The following PEBP4 variants were observed in gnomAD, a reference collection of about 807,000 sequenced individuals.
PEBP4 encodes phosphatidylethanolamine binding protein 4, also known as phosphatidylethanolamine-binding protein 4.
Under a neutral mutation model 23.9 loss-of-function variants are expected in PEBP4, and 22 were observed. The ratio of observed to expected loss-of-function variants is 0.92; its 90% confidence interval spans 0.66 to 1.31. The LOEUF (loss-of-function observed/expected upper bound fraction) is 1.31, where lower values mean the gene tolerates loss of function less well. PEBP4 is among the 40% of genes most tolerant of loss of function. The probability of loss-of-function intolerance (pLI) is 0.00; values close to 1 mark genes in which losing one functional copy is unlikely to be tolerated. For synonymous variants in PEBP4, 112 were observed against 99.3 expected, an observed-to-expected ratio of 1.13 and a Z score of -0.76; for missense variants, 324 against 281.7, an observed-to-expected ratio of 1.15 and a Z score of -1.07.
At chr8:22,741,514 C>T (rs1295459477) in intron 4 of PEBP4, among the ~76,000 whole-genome samples, 1 of 152,220 alleles carries the variant, frequency 6.6e-6, no homozygotes, top group African/African-American at 2.4e-5. Context: ...TGAACTCCAC[C>T]TGGAGCTCAC....
intron 4 of PEBP4, among the ~76,000 whole-genome samples, chr8:22,815,754 C>G (rs1353663093): frequency 6.6e-6 from 1 of 152,218 alleles, no homozygotes; most frequent in Admixed American, 6.5e-5. Flanking sequence ...GCCACCTGTT[C>G]TACTTCTAAG....
At chr8:22,804,061 C>T (rs1446528663) in intron 4 of PEBP4, among the ~76,000 whole-genome samples, 3 of 152,182 alleles carry the variant, frequency 2.0e-5, no homozygotes, top group Non-Finnish European at 4.4e-5. Flanking sequence ...GGTGCGGTGG[C>T]TCACATCTGC....
chr8:22,727,850 CCCT>C (rs568501484), intron 4 of PEBP4, among the ~76,000 whole-genome samples: 1 of 152,224 alleles, frequency 6.6e-6, no homozygotes, highest in Admixed American at 6.5e-5. Context: ...GCCTCAGTTT[CCCT>C]CCTCTCTTTC....
At chr8:22,719,969 G>T (rs1394756854) in intron 6 of PEBP4, among the ~76,000 whole-genome samples, 1 of 152,240 alleles carries the variant, frequency 6.6e-6, no homozygotes, top group Non-Finnish European at 1.5e-5. Context: ...AAATGTGGGG[G>T]TGTGAGAACG....
At chr8:22,928,078 T>C (rs1366535998), upstream of PEBP4, among the ~76,000 whole-genome samples, 1 of 152,254 alleles carries the variant, frequency 6.6e-6, no homozygotes, top group Non-Finnish European at 1.5e-5. Flanking sequence ...GTCCAGTCCC[T>C]GCTGTTGGCC....
At chr8:22,828,615 G>A (rs898823790) in intron 3 of PEBP4, among the ~76,000 whole-genome samples, 2 of 152,070 alleles carry the variant, frequency 1.3e-5, no homozygotes, top group Non-Finnish European at 2.9e-5. Context: ...TTGGGTAGAC[G>A]CCATTGCACC....
intron 3 of PEBP4, among the ~76,000 whole-genome samples, chr8:22,867,343 C>T (rs1178926691): frequency 1.3e-5 from 2 of 152,126 alleles, no homozygotes; most frequent in African/African-American, 2.4e-5. Context: ...TTTCATTAAT[C>T]GGGCCCGCTT....
intron 3 of PEBP4, among the ~76,000 whole-genome samples, chr8:22,895,041 C>T (rs1263942445): frequency 1.3e-5 from 2 of 152,158 alleles, no homozygotes; most frequent in African/African-American, 2.4e-5. Context: ...AGTAGACTTT[C>T]ACACCAAAGT....
intron 3 of PEBP4, among the ~76,000 whole-genome samples, chr8:22,917,135 G>T (rs1055484736): frequency 6.6e-6 from 1 of 151,584 alleles, no homozygotes; most frequent in Admixed American, 6.6e-5. Context: ...GGGAGGGGGG[G>T]GTGTTCCCAG....
chr8:22,940,490 C>CT (rs761722562), intron 1 of PEBP4, among the ~76,000 whole-genome samples: 57 of 110,006 alleles, frequency 5.2e-4, no homozygotes, highest in Admixed American at 7.1e-4. Context: ...ATGAATTTCT[C>CT]TTTTTTTTTT....
At chr8:22,773,816 G>T (rs1361301570) in intron 4 of PEBP4, among the ~76,000 whole-genome samples, 1 of 152,114 alleles carries the variant, frequency 6.6e-6, no homozygotes, top group Admixed American at 6.5e-5. Flanking sequence ...AACCGTGGGG[G>T]TCCTTGCTTT....
Position 22,728,547 on chromosome 8 carries a change from TCTTTCTTTCTTTCTTCCTTC to T in PEBP4, c.358-1347_358-1328del, listed in dbSNP as rs1461225819. ...TGGCTTGCTTCTTTCTTCCTTCCTT[TCTTTCTTTCTTTCTTCCTTC>T]CTTCCTTCCTTCCTTCCTTCCTTCC... is the stretch of plus-strand genomic sequence containing the variant. On this transcript the variant is annotated intron_variant, in intron 4 of 6. Coordinates refer to ENST00000256404, the MANE Select transcript of PEBP4 (RefSeq NM_144962.3). Among the ~76,000 whole-genome samples, 1,036 of 107,736 alleles carry T rather than the reference TCTTTCTTTCTTTCTTCCTTC, an allele frequency of 9.6e-3. 7 individuals carry two copies. Among genetic ancestry groups the T allele is most frequent in the South Asian group, 0.019 (56 of 2,994 alleles). 70.7% of individuals were successfully genotyped at this position (107,736 alleles called of 152,430 possible).
intron 2 of PEBP4, among the ~76,000 whole-genome samples, chr8:22,923,808 G>C (rs1453501111): frequency 6.6e-6 from 1 of 152,150 alleles, no homozygotes; most frequent in East Asian, 1.9e-4. Flanking sequence ...TCCCCCATGT[G>C]AAGTCGCAGC....
intron 3 of PEBP4, among the ~76,000 whole-genome samples, chr8:22,830,702 C>CT (rs941498456): frequency 2.0e-5 from 3 of 152,094 alleles, no homozygotes; most frequent in Non-Finnish European, 2.9e-5. Flanking sequence ...ATGTTCCTCC[C>CT]TCTTTTCCTC....
intron 4 of PEBP4, among the ~76,000 whole-genome samples, chr8:22,788,424 G>A (rs1165927521): frequency 6.6e-6 from 1 of 152,236 alleles, no homozygotes; most frequent in Non-Finnish European, 1.5e-5. Context: ...GGTGACGCAG[G>A]GAGGGAAGGC....
intron 4 of PEBP4, among the ~76,000 whole-genome samples, chr8:22,766,998 C>T (rs762284315): frequency 2.4e-4 from 37 of 152,346 alleles, no homozygotes; most frequent in Admixed American, 4.6e-4. Context: ...CTTACTTCAC[C>T]GTGGGGGTCT....
chr8:22,772,796 A>C (rs1160668782), intron 4 of PEBP4, among the ~76,000 whole-genome samples: 1 of 152,126 alleles, frequency 6.6e-6, no homozygotes, highest in Non-Finnish European at 1.5e-5. Context: ...TTCTTAGACA[A>C]ATAGGAAGAT....
At chr8:22,877,577 G>A (rs1028443014) in intron 3 of PEBP4, among the ~76,000 whole-genome samples, 1 of 152,156 alleles carries the variant, frequency 6.6e-6, no homozygotes, top group Non-Finnish European at 1.5e-5. Flanking sequence ...GTGAACACAC[G>A]GGCGGGCTCA....
intron 4 of PEBP4, chr8:22,755,685 C>T (rs114842883): frequency 6.6e-6 from 1 of 152,290 alleles, no homozygotes; most frequent in African/African-American, 2.4e-5. Flanking sequence ...TCATCACCAT[C>T]CATTACTGAT....
Sources: gnomAD v4.1 joint callset for allele counts (sites outside exome capture counted in the v4.1 genomes callset) on GRCh38, gnomAD v4.1.1 for gene constraint, MANE v1.5 for transcripts, NCBI Gene and HGNC (gene_info 2026-07-23, HGNC 2026-07-21) for gene names.